The following ATG7 variants were observed in gnomAD, a reference collection of about 807,000 sequenced individuals.
ATG7 encodes the protein autophagy related 7.
Under a neutral mutation model 82.4 loss-of-function variants are expected in ATG7, and 70 were observed. The observed-to-expected ratio is 0.85, with a 90% confidence interval of 0.70 to 1.04. The LOEUF is 1.04. Among genes scored for constraint, ATG7 ranks in the 50% least tolerant of loss-of-function variants. ATG7 has a pLI of 0.00. For missense variants in ATG7, 792 were observed against 864.3 expected, an observed-to-expected ratio of 0.92 and a Z score of 1.05; for synonymous variants, 287 against 313.0, an observed-to-expected ratio of 0.92 and a Z score of 0.88.
intron 7 of ATG7, among the ~76,000 whole-genome samples, chr3:11,310,526 G>T (rs1948479922): frequency 6.6e-6 from 1 of 152,114 alleles, no homozygotes; most frequent in South Asian, 2.1e-4. Flanking sequence ...AAGTTATAAT[G>T]CTTTCTATGT....
chr3:11,458,635 G>T (rs1576556882), intron 20 of ATG7, among the ~76,000 whole-genome samples: 1 of 152,310 alleles, frequency 6.6e-6, no homozygotes, highest in East Asian at 1.9e-4. Flanking sequence ...ACTTCTCCAT[G>T]CTGGAACTCA....
chr3:11,381,736 C>G (rs2077915595), intron 19 of ATG7, among the ~76,000 whole-genome samples: 1 of 152,192 alleles, frequency 6.6e-6, no homozygotes, highest in African/African-American at 2.4e-5. Context: ...TGGATTTTAA[C>G]AGCTGTGCTA....
intron 20 of ATG7, among the ~76,000 whole-genome samples, chr3:11,542,656 A>G (rs532796460): frequency 6.6e-6 from 1 of 152,136 alleles, no homozygotes; most frequent in Admixed American, 6.5e-5. Flanking sequence ...TTCCCAGCCT[A>G]GTAGCTGCTC....
intron 20 of ATG7, among the ~76,000 whole-genome samples, chr3:11,470,532 C>T (rs929969201): frequency 4.6e-5 from 7 of 152,232 alleles, no homozygotes; most frequent in Non-Finnish European, 8.8e-5. Flanking sequence ...TCACTGCTTA[C>T]TGAGTGCTGA....
In ATG7 at chr3:11,465,088, AGTGT is replaced by A. The variant is rs55999171; in HGVS notation, c.2079+38185_2079+38188del. 3.4e-3 allele frequency among the ~76,000 whole-genome samples: 498 copies of A among 147,404 alleles called. 4 individuals carry two copies. Among genetic ancestry groups the A allele is most frequent in the African/African-American group, 0.011 (444 of 40,240 alleles). ...ATCAAATCAATCTCTAAAAACCTAA[AGTGT>A]GTGTGTGTGTGTGTGTGTGTGTAAG... On this transcript the variant is annotated intron_variant, in intron 20 of 20. Transcript: ENST00000693202.
chr3:11,448,518 G>C (rs140830123), intron 20 of ATG7, among the ~76,000 whole-genome samples: 1 of 152,172 alleles, frequency 6.6e-6, no homozygotes. Flanking sequence ...CTTACTTGCC[G>C]TGCTGAAACT....
intron 20 of ATG7, among the ~76,000 whole-genome samples, chr3:11,493,686 G>A (rs9871771): frequency 2.1e-3 from 327 of 152,268 alleles, no homozygotes; most frequent in Middle Eastern, 0.014. Flanking sequence ...AACACAGCAG[G>A]CACAAGGTAG....
intron 3 of ATG7, among the ~76,000 whole-genome samples, chr3:11,293,452 A>T (rs1223043667): frequency 6.7e-6 from 1 of 150,018 alleles, no homozygotes; most frequent in African/African-American, 2.5e-5. Flanking sequence ...AATCACTTGA[A>T]CCCGGGAGGT....
chr3:11,477,165 A>G (rs1341141122), intron 20 of ATG7: 1 of 1,289,690 alleles, frequency 7.8e-7, no homozygotes, highest in African/African-American at 1.5e-5. Context: ...TGGATGAAGC[A>G]GGAGAGGCAG....
chr3:11,551,932 A>G (rs543721494), intron 20 of ATG7, among the ~76,000 whole-genome samples: 1 of 151,952 alleles, frequency 6.6e-6, no homozygotes, highest in Non-Finnish European at 1.5e-5. Context: ...GATTTTTAGT[A>G]GAGACGGGGT....
intron 20 of ATG7, among the ~76,000 whole-genome samples, chr3:11,546,451 C>T (rs570920853): frequency 5.9e-5 from 9 of 152,276 alleles, no homozygotes; most frequent in African/African-American, 2.2e-4. Flanking sequence ...GGATTACAGG[C>T]GTGAGCCACT....
intron 11 of ATG7, among the ~76,000 whole-genome samples, chr3:11,336,555 T>C (rs1380533188): frequency 6.6e-6 from 1 of 152,240 alleles, no homozygotes; most frequent in East Asian, 1.9e-4. Context: ...ATAAAGAATT[T>C]TTCTATATCA....
chr3:11,311,050 A>G (rs1227485636), intron 7 of ATG7, among the ~76,000 whole-genome samples: 1 of 152,210 alleles, frequency 6.6e-6, no homozygotes, highest in African/African-American at 2.4e-5. Flanking sequence ...GACAGTTTGC[A>G]TTTAATGAGA....
intron 19 of ATG7, among the ~76,000 whole-genome samples, chr3:11,406,708 C>T (rs1472178766): frequency 6.6e-6 from 1 of 152,188 alleles, no homozygotes; most frequent in African/African-American, 2.4e-5. Context: ...GAGCAAGTCA[C>T]ATCTTACGTG....
chr3:11,416,521 C>A (rs551233985), intron 19 of ATG7, among the ~76,000 whole-genome samples: 5 of 151,732 alleles, frequency 3.3e-5, no homozygotes, highest in Non-Finnish European at 5.9e-5. Flanking sequence ...CTTTTATTAT[C>A]CTTTTCATCA....
intron 18 of ATG7, among the ~76,000 whole-genome samples, chr3:11,379,219 A>G (rs11128548): frequency 0.084 from 12,811 of 152,194 alleles, 1,500 homozygotes; most frequent in African/African-American, 0.26. Flanking sequence ...GTTGAGTCCT[A>G]TGGAGAGTTT....
intron 19 of ATG7, among the ~76,000 whole-genome samples, chr3:11,417,817 T>TA (rs1445170026): frequency 0.013 from 1,010 of 74,864 alleles, 32 homozygotes; most frequent in Non-Finnish European, 0.022. Context: ...TTTATTTTAT[T>TA]TTTTTTTTTT....
At chr3:11,380,096 G>C in intron 19 of ATG7, 44 bp downstream of exon 19, 2 of 1,586,326 alleles carry the variant, frequency 1.3e-6, no homozygotes, top group Non-Finnish European at 1.7e-6. Context: ...AAAAGTGAGC[G>C]GGTCAGCATT....
Position 11,498,033 on chromosome 3 carries a change from G to C in ATG7, c.2080-56778G>C, listed in dbSNP as rs139894216. Among the ~76,000 whole-genome samples the C allele has an allele frequency of 1.7e-3, 254 of 152,260 alleles. 1 individual carries two copies. The highest frequency in any genetic ancestry group is 5.2e-3 in the African/African-American group (216 of 41,556). On this transcript the variant is annotated intron_variant, in intron 20 of 20. Transcript: ENST00000693202. Reference sequence around the variant, plus strand: ...AAGTCATTGAGTCCTCATTTTAAGAGTGATGTTGAGGGCTAGGACCCTCTT... The same window carrying C: ...AAGTCATTGAGTCCTCATTTTAAGACTGATGTTGAGGGCTAGGACCCTCTT...
Sources: allele counts gnomAD v4.1 joint callset (sites outside exome capture counted in the v4.1 genomes callset), GRCh38; gene constraint gnomAD v4.1.1; transcripts MANE v1.5; gene names NCBI Gene and HGNC (gene_info 2026-07-23, HGNC 2026-07-21).